The following SYNE1 variants were observed in gnomAD, a reference collection of about 807,000 sequenced individuals.
The protein encoded by SYNE1 is spectrin repeat containing nuclear envelope protein 1.
In SYNE1, 616 loss-of-function variants were observed where a neutral mutation model predicts 1,111.0. That is an observed-to-expected ratio of 0.55 (90% CI 0.52 to 0.59). The LOEUF is 0.59. Ranked by LOEUF, SYNE1 falls within the 20% of genes least tolerant of loss-of-function variation. SYNE1 has a pLI of 0.00. For synonymous variants in SYNE1, 3,855 were observed against 3,825.8 expected, an observed-to-expected ratio of 1.01 and a Z score of -0.28; for missense variants, 10,006 against 10,417.0, an observed-to-expected ratio of 0.96 and a Z score of 1.72.
chr6:152,202,041 A>G, intron 126 of SYNE1, 92 bp from the exon 127 acceptor site: 1 of 1,502,002 alleles, frequency 6.7e-7, no homozygotes. Flanking sequence ...TCATTCCCAG[A>G]GAAAGAATGA....
chr6:152,396,235 T>C (rs1033730192), intron 50 of SYNE1, among the ~76,000 whole-genome samples: 8 of 152,198 alleles, frequency 5.3e-5, no homozygotes, highest in African/African-American at 1.9e-4. Context: ...TTGGAAACAA[T>C]GTAAGCTCTC....
chr6:152,401,270 C>T lies in SYNE1; in HGVS notation c.6897G>A (p.Leu2299=). Residue 2299 remains leucine, a synonymous_variant, in exon 47 of 146, where the codon CTG becomes CTA. Coordinates refer to ENST00000367255, the MANE Select transcript of SYNE1 (RefSeq NM_182961.4). ...GTGTACTTTGAGCCGTGAAATCCTT[C>T]AGGGTTCCTTTTGCTACTTCAGTTA... ...KEITEVAKGT[L]KDFTAQSTQV... 1 of 1,614,150 alleles carries T rather than the reference C, an allele frequency of 6.2e-7. No homozygotes were observed. Among genetic ancestry groups the T allele is most frequent in the Admixed American group, 1.7e-5 (1 of 60,014 alleles).
chr6:152,581,241 C>T (rs1403664555), intron 3 of SYNE1, among the ~76,000 whole-genome samples: 1 of 152,166 alleles, frequency 6.6e-6, no homozygotes, highest in Non-Finnish European at 1.5e-5. Flanking sequence ...CTTTTATTTG[C>T]ACAGGTAAGA....
intron 133 of SYNE1, among the ~76,000 whole-genome samples, chr6:152,152,578 C>T (rs1158139457): frequency 6.6e-6 from 1 of 152,118 alleles, no homozygotes; most frequent in East Asian, 1.9e-4. Context: ...AAAAAGATAT[C>T]TATAATGGAA....
chr6:152,413,280 A>G, intron 42 of SYNE1, 72 bp downstream of exon 42: 1 of 1,505,788 alleles, frequency 6.6e-7, no homozygotes, highest in Non-Finnish European at 9.2e-7. Flanking sequence ...CATCAACACA[A>G]AACAGGCAAT....
intron 36 of SYNE1, among the ~76,000 whole-genome samples, chr6:152,429,744 G>C (rs1297945045): frequency 6.6e-6 from 1 of 152,156 alleles, no homozygotes; most frequent in African/African-American, 2.4e-5. Flanking sequence ...TCTGAGTACA[G>C]TGGGTTAAAA....
intron 32 of SYNE1, among the ~76,000 whole-genome samples, chr6:152,439,518 C>T (rs950527803): frequency 2.0e-4 from 30 of 152,088 alleles, no homozygotes; most frequent in Non-Finnish European, 2.9e-4. Flanking sequence ...CATGAGCCAT[C>T]GTACCCGGCC....
At chr6:152,318,796 C>T (rs558760193) in intron 85 of SYNE1, 67 bp downstream of exon 85, 2 of 1,589,384 alleles carry the variant, frequency 1.3e-6, no homozygotes, top group African/African-American at 1.3e-5. Context: ...CCTATATCCC[C>T]AAGTAAAACT....
rs2096024879 is a variant in SYNE1, at chr6:152,325,170, G to A, written c.15571C>T (p.Arg5191Cys). Residue 5191 changes from arginine (R) to cysteine (C), a missense_variant, in exon 81 of 146, where the codon CGC (arginine) becomes TGC (cysteine). By Grantham distance (180) the Arg-to-Cys change is radical (BLOSUM62 -3). This residue lies in a region of SYNE1 where 4,955 missense variants were observed against 5,017.2 expected (regional missense o/e 0.99). Transcript: ENST00000367255. ...LSRSMTTVWQ[R>C]WTRLRAVAQD... ...GCCACAGCTCGAAGGCGTGTCCAGC[G>A]CTGCCAGACGGTGGTCATTGACCTG... The A allele has an allele frequency of 4.3e-6, 7 of 1,614,020 alleles. No homozygotes were observed. Among genetic ancestry groups the A allele is most frequent in the Non-Finnish European group, 5.1e-6 (6 of 1,180,034 alleles).
intron 112 of SYNE1, 91 bp downstream of exon 112, chr6:152,233,690 T>C: frequency 2.0e-6 from 3 of 1,478,756 alleles, no homozygotes; most frequent in South Asian, 2.4e-5. Flanking sequence ...ACAAAGCTGA[T>C]ATAAATTTGT....
At chr6:152,446,078 A>T (rs1013472699) in intron 29 of SYNE1, among the ~76,000 whole-genome samples, 1 of 151,714 alleles carries the variant, frequency 6.6e-6, no homozygotes, top group African/African-American at 2.4e-5. Flanking sequence ...TGTTAGGGAA[A>T]CTACTGACTT....
intron 11 of SYNE1, among the ~76,000 whole-genome samples, chr6:152,496,736 T>C (rs1018315233): frequency 6.6e-6 from 1 of 152,134 alleles, no homozygotes; most frequent in East Asian, 1.9e-4. Flanking sequence ...TTCTTATTAA[T>C]ATAAGAAGAC....
chr6:152,184,892 T>C (rs1192319124), intron 128 of SYNE1, among the ~76,000 whole-genome samples: 2 of 152,114 alleles, frequency 1.3e-5, no homozygotes, highest in African/African-American at 4.8e-5. Context: ...AACATTACCA[T>C]CTCTTTCTTT....
Position 152,391,276 on chromosome 6 carries a change from C to A in SYNE1, c.8004+1G>T. On this transcript the variant is annotated splice_donor_variant, in intron 52 of 145. Coordinates refer to ENST00000367255, the MANE Select transcript of SYNE1 (RefSeq NM_182961.4). LOFTEE classifies it high-confidence loss of function. The stretch of plus-strand genomic sequence containing the variant: ...CAGTGTCTGGCTGGTGTCGCATGTA[C>A]CTGTATTTGTGACAGCCGTTTCTCC... 6.2e-7 allele frequency: 1 copy of A among 1,613,926 alleles called. No homozygotes were observed. The highest frequency in any genetic ancestry group is 8.5e-7 in the Non-Finnish European group (1 of 1,179,972).
At chr6:152,375,575 G>A (rs1193607566) in intron 58 of SYNE1, among the ~76,000 whole-genome samples, 1 of 151,924 alleles carries the variant, frequency 6.6e-6, no homozygotes, top group East Asian at 1.9e-4. Flanking sequence ...TGAAGTTACA[G>A]TTAGGTTAAA....
At chr6:152,289,909 A>G (rs1219982582) in intron 95 of SYNE1, among the ~76,000 whole-genome samples, 333 of 144,542 alleles carry the variant, frequency 2.3e-3, no homozygotes, top group African/African-American at 7.5e-3. Context: ...TACAGGCATG[A>G]GCTACCGCGC....
chr6:152,221,989 T>C (rs1356550061), intron 117 of SYNE1, among the ~76,000 whole-genome samples: 1 of 152,190 alleles, frequency 6.6e-6, no homozygotes, highest in Non-Finnish European at 1.5e-5. Context: ...GTGTCCTGAC[T>C]TGCCCAGACA....
At chr6:152,171,570 C>G (rs2153090807) in intron 130 of SYNE1, among the ~76,000 whole-genome samples, 1 of 152,254 alleles carries the variant, frequency 6.6e-6, no homozygotes, top group Non-Finnish European at 1.5e-5. Context: ...CTGATCTAAT[C>G]TGGAGAGAAG....
chr6:152,124,235 G>A (rs1313681510), intron 145 of SYNE1, among the ~76,000 whole-genome samples: 1 of 152,178 alleles, frequency 6.6e-6, no homozygotes, highest in East Asian at 1.9e-4. Context: ...GAACCCGGGA[G>A]GCGGAGGCTG....
Sources: allele counts gnomAD v4.1 joint callset (sites outside exome capture counted in the v4.1 genomes callset), GRCh38; gene constraint gnomAD v4.1.1; regional missense constraint gnomAD v4.1.1; transcripts MANE v1.5; gene names NCBI Gene and HGNC (gene_info 2026-07-23, HGNC 2026-07-21).